The following NUDC variants were observed in gnomAD, a reference collection of about 807,000 sequenced individuals.
NUDC encodes the protein nuclear distribution C, dynein complex regulator.
NUDC carries 14 observed loss-of-function variants against 45.0 expected under a neutral mutation model. The observed-to-expected ratio is 0.31, with a 90% CI of 0.21 to 0.49. The LOEUF is 0.49. NUDC is among the 20% of genes least tolerant of loss of function. The pLI, the probability that NUDC is intolerant of heterozygous loss-of-function variation, is 0.99. For missense variants in NUDC, 323 were observed against 426.2 expected (o/e 0.76, Z 2.13); for synonymous variants, 153 against 156.7 (o/e 0.98, Z 0.17).
chr1:26,941,914 C>A (rs1470413794), intron 4 of NUDC, 96 bp downstream of exon 4: 5 of 1,140,136 alleles, frequency 4.4e-6, no homozygotes, highest in South Asian at 2.6e-5. Flanking sequence ...CTTCCTTATC[C>A]TATCCCCTCC....
intron 2 of NUDC, among the ~76,000 whole-genome samples, chr1:26,909,991 G>A (rs1318762874): frequency 6.6e-6 from 1 of 152,152 alleles, no homozygotes; most frequent in Non-Finnish European, 1.5e-5. Flanking sequence ...AGGCAGAGCA[G>A]TTTGGCCTGG....
Position 26,945,119 on chromosome 1 carries a change from T to A in NUDC, c.742-271T>A, listed in dbSNP as rs1235421034. The A allele has an allele frequency of 5.3e-6, 3 of 561,616 alleles. No homozygotes were observed. The African/African-American group carries it at 5.6e-5, about 11-fold the overall frequency. The allele number at this position is 561,616 out of a possible 1,614,324, so 34.8% of individuals were successfully genotyped here. ...TGTGTCTTAAGACTCAGCCCGAGTG[T>A]CACTTTCAAACTTTTCTCCCTCCAC... On this transcript the variant is annotated intron_variant, in intron 6 of 8. Transcript: ENST00000321265.
At chr1:26,936,804 A>G (rs2082238259) in intron 2 of NUDC, among the ~76,000 whole-genome samples, 1 of 151,976 alleles carries the variant, frequency 6.6e-6, no homozygotes, top group Non-Finnish European at 1.5e-5. Flanking sequence ...CCGTTCTGAC[A>G]CCAAATGTGT....
In NUDC at chr1:26,946,283, G is replaced by T; in HGVS notation, c.*102G>T. ...TTGTGGGCCTCAGGGCTTGGGGCAG[G>T]CATGGGACTGGCCCAGGCACACAGG... On this transcript the variant is annotated 3_prime_UTR_variant, in exon 9 of 9. Coordinates refer to ENST00000321265, the MANE Select transcript of NUDC (RefSeq NM_006600.4). 9.7e-7 allele frequency: 1 copy of T among 1,030,084 alleles called. No homozygotes were observed. The highest frequency in any genetic ancestry group is 1.6e-5 in the African/African-American group (1 of 63,580). 63.8% of individuals were successfully genotyped at this position (1,030,084 alleles called of 1,614,324 possible). A position where few individuals can be genotyped will look rare whatever the true frequency, so the allele number is the denominator to read the frequency against.
At chr1:26,918,804 G>A (rs989422298), upstream of NUDC, among the ~76,000 whole-genome samples, 5 of 151,588 alleles carry the variant, frequency 3.3e-5, no homozygotes, top group African/African-American at 1.2e-4. Context: ...TCGAACTCCC[G>A]ACCTCAGGTG....
chr1:26,921,734 G>A, upstream of NUDC: 1 of 1,174,216 alleles, frequency 8.5e-7, no homozygotes, highest in South Asian at 1.3e-5. Context: ...GCGTGTTTCC[G>A]GCTCCGCTGC....
intron 6 of NUDC, among the ~76,000 whole-genome samples, chr1:26,943,762 G>A (rs1167140811): frequency 6.6e-6 from 1 of 152,142 alleles, no homozygotes; most frequent in African/African-American, 2.4e-5. Flanking sequence ...TTACAGAGAG[G>A]TAGGACACAG....
chr1:26,930,883 G>A (rs1043877427), intron 2 of NUDC, among the ~76,000 whole-genome samples: 1 of 151,694 alleles, frequency 6.6e-6, no homozygotes, highest in African/African-American at 2.4e-5. Context: ...GGGCATGGTG[G>A]CAGGGGCCTG....
intron 2 of NUDC, among the ~76,000 whole-genome samples, chr1:26,940,194 T>G (rs1304729695): frequency 6.6e-6 from 1 of 151,292 alleles, no homozygotes; most frequent in African/African-American, 2.4e-5. Context: ...CCCAGCACTT[T>G]GACCGGGCAC....
At chr1:26,918,682 C>T (rs1205241447), upstream of NUDC, among the ~76,000 whole-genome samples, 1 of 150,734 alleles carries the variant, frequency 6.6e-6, no homozygotes, top group South Asian at 2.1e-4. Context: ...TCAAGAGATT[C>T]TCCTGCCTCG....
chr1:26,945,307 G>C, intron 6 of NUDC, 83 bp from the exon 7 acceptor site: 3 of 1,098,410 alleles, frequency 2.7e-6, no homozygotes, highest in South Asian at 2.5e-5. Context: ...GGATGGGAGA[G>C]AGTTTGGTTG....
intron 2 of NUDC, among the ~76,000 whole-genome samples, chr1:26,937,329 C>G (rs1271247284): frequency 6.6e-6 from 1 of 152,184 alleles, no homozygotes; most frequent in African/African-American, 2.4e-5. Flanking sequence ...GCGGCGCAAT[C>G]TCGGCTCACT....
exon 1 of NUDC, chr1:26,900,317 A>C: frequency 6.2e-7 from 1 of 1,614,028 alleles, no homozygotes; most frequent in Non-Finnish European, 8.5e-7. Flanking sequence ...AGAGGAAGCC[A>C]CCGCCGCGCT....
chr1:26,940,546 GTCT>G (rs1432462189), intron 2 of NUDC, among the ~76,000 whole-genome samples: 1 of 152,268 alleles, frequency 6.6e-6, no homozygotes, highest in East Asian at 1.9e-4. Flanking sequence ...GTGGTGTCAA[GTCT>G]TGCATAGCTG....
At chr1:26,911,577 G>A (rs1481932818) in intron 3 of NUDC, 2 of 500,044 alleles carry the variant, frequency 4.0e-6, no homozygotes, top group Non-Finnish European at 3.7e-6. Flanking sequence ...AGCAGCCTAA[G>A]CTTTCATTCT....
chr1:26,938,522 C>T (rs1046823631), intron 2 of NUDC, among the ~76,000 whole-genome samples: 2 of 152,188 alleles, frequency 1.3e-5, no homozygotes, highest in East Asian at 1.9e-4. Context: ...ATGGCCTCCC[C>T]TACCAGTTTA....
chr1:26,940,523 G>A (rs974991773), intron 2 of NUDC, among the ~76,000 whole-genome samples: 16 of 151,974 alleles, frequency 1.1e-4, no homozygotes, highest in African/African-American at 3.6e-4. Context: ...CTGCTAACGT[G>A]TCCTTTTTGG....
intron 2 of NUDC, among the ~76,000 whole-genome samples, chr1:26,929,099 G>A (rs990689428): frequency 6.6e-6 from 1 of 152,156 alleles, no homozygotes; most frequent in African/African-American, 2.4e-5. Context: ...AAGAAATCCT[G>A]TCCATTGCTA....
chr1:26,922,396 C>T, intron 1 of NUDC: 1 of 201,926 alleles, frequency 5.0e-6, no homozygotes. Context: ...TAGTTTCCAC[C>T]ACCTACCAAC....
Sources: gnomAD v4.1 joint callset for allele counts (sites outside exome capture counted in the v4.1 genomes callset) on GRCh38, gnomAD v4.1.1 for gene constraint, MANE v1.5 for transcripts, NCBI Gene and HGNC (gene_info 2026-07-23, HGNC 2026-07-21) for gene names.